NTN4: variants seen among roughly 807,000 people sequenced by gnomAD.
NTN4 encodes the protein netrin-4.
Under a neutral mutation model 73.6 loss-of-function variants are expected in NTN4, and 32 were observed. That is an observed-to-expected ratio of 0.44 (90% CI 0.33 to 0.58). The LOEUF (loss-of-function observed/expected upper bound fraction) is 0.58. NTN4 is among the 20% of genes least tolerant of loss of function. NTN4 has a pLI of 0.04. For missense variants in NTN4, 654 were observed against 798.3 expected (o/e 0.82, Z 2.18); for synonymous variants, 258 against 287.5 (o/e 0.90, Z 1.04).
At chr12:95,669,241 G>A (rs1379901518) in intron 8 of NTN4, among the ~76,000 whole-genome samples, 1 of 151,066 alleles carries the variant, frequency 6.6e-6, no homozygotes, top group East Asian at 1.9e-4. Flanking sequence ...CACTAGGCAA[G>A]AATGTGTTGG....
intron 2 of NTN4, among the ~76,000 whole-genome samples, chr12:95,747,763 T>C (rs1324930125): frequency 6.6e-6 from 1 of 152,154 alleles, no homozygotes; most frequent in Admixed American, 6.5e-5. Context: ...AATATAAAAA[T>C]AATGGAATAA....
chr12:95,667,863 AAAATAAATAAAT>A (rs71087991), intron 8 of NTN4, among the ~76,000 whole-genome samples: 4 of 148,214 alleles, frequency 2.7e-5, no homozygotes, highest in African/African-American at 1.0e-4. Context: ...CCATCTCTCA[AAAATAAATAAAT>A]AAATAAATAA....
At chr12:95,707,208 C>T (rs891235423) in intron 5 of NTN4, among the ~76,000 whole-genome samples, 2 of 152,176 alleles carry the variant, frequency 1.3e-5, no homozygotes, top group East Asian at 3.9e-4. Context: ...GGTGAGCTTA[C>T]AGTGGCTCAT....
Position 95,739,209 on chromosome 12 carries a change from G to A in NTN4, c.586-1065C>T, listed in dbSNP as rs575761558. ...TGTTCTTGGCATTTGTGTAATAGGT[G>A]AGAATTCCAAATAACTTCCTTATGT... On this transcript the variant is annotated intron_variant, in intron 2 of 9. Transcript: ENST00000343702. 2.6e-5 allele frequency among the ~76,000 whole-genome samples: 4 copies of A among 152,266 alleles called. No individual in the cohort carries two copies. The East Asian group carries it at 7.7e-4, about 29-fold the overall frequency.
At chr12:95,754,206 C>T (rs1334376250) in intron 2 of NTN4, among the ~76,000 whole-genome samples, 2 of 152,142 alleles carry the variant, frequency 1.3e-5, no homozygotes, top group Non-Finnish European at 2.9e-5. Context: ...AAAACTGTAT[C>T]CAGGCCATCA....
chr12:95,738,218 C>T, intron 2 of NTN4, 74 bp from the exon 3 acceptor site: 1 of 1,363,624 alleles, frequency 7.3e-7, no homozygotes, highest in Non-Finnish European at 1.0e-6. Flanking sequence ...TAATGTAGTC[C>T]CTGTTTGATT....
intron 5 of NTN4, among the ~76,000 whole-genome samples, chr12:95,700,814 CTTTTT>C (rs71911993): frequency 1.9e-5 from 2 of 107,528 alleles, no homozygotes; most frequent in African/African-American, 3.5e-5. Flanking sequence ...TTCTTTCTTT[CTTTTT>C]TTTTTTTTTT....
intron 3 of NTN4, among the ~76,000 whole-genome samples, chr12:95,720,373 T>C (rs1037063394): frequency 5.3e-5 from 8 of 152,170 alleles, no homozygotes; most frequent in East Asian, 1.9e-4. Context: ...ATGGAGCCAA[T>C]GCAAATTCCC....
chr12:95,672,758 C>A, intron 7 of NTN4: 1 of 1,344,670 alleles, frequency 7.4e-7, no homozygotes, highest in Non-Finnish European at 1.1e-6. Flanking sequence ...CAGCTATCCT[C>A]CTGTGAGAGT....
At chr12:95,780,231 TA>T (rs2079122601) in intron 2 of NTN4, among the ~76,000 whole-genome samples, 1 of 152,156 alleles carries the variant, frequency 6.6e-6, no homozygotes, top group Admixed American at 6.5e-5. Context: ...ATTCAGGACA[TA>T]GGCATGGGAA....
At chr12:95,703,639 CCT>C (rs955173780) in intron 5 of NTN4, among the ~76,000 whole-genome samples, 1 of 152,104 alleles carries the variant, frequency 6.6e-6, no homozygotes. Context: ...CAAAATTTCC[CCT>C]CACATAATTT....
chr12:95,752,268 G>A (rs28849081), intron 2 of NTN4, among the ~76,000 whole-genome samples: 113,030 of 141,190 alleles, frequency 0.8, 45,300 homozygotes, highest in South Asian at 0.89. Context: ...ACCTGTCCTA[G>A]AACCAGACAA....
intron 2 of NTN4, 152 bp downstream of exon 2, chr12:95,786,787 G>T: frequency 1.5e-6 from 1 of 671,188 alleles, no homozygotes. Flanking sequence ...TCATATGTAA[G>T]GGTAAGAAAT....
At chr12:95,758,469 A>G (rs1320075962) in intron 2 of NTN4, among the ~76,000 whole-genome samples, 8 of 152,170 alleles carry the variant, frequency 5.3e-5, no homozygotes, top group African/African-American at 1.9e-4. Flanking sequence ...ATATGTAAAT[A>G]TATATTCAGT....
intron 5 of NTN4, among the ~76,000 whole-genome samples, chr12:95,700,114 T>TTTTTTG (rs2078473280): frequency 8.0e-6 from 1 of 125,210 alleles, no homozygotes. Flanking sequence ...TTTTTTTTTT[T>TTTTTTG]TACTTAGGGT....
In NTN4 at chr12:95,787,364, C is replaced by T. The variant is rs2079176739; in HGVS notation, c.160G>A (p.Gly54Ser). 4 of 1,614,188 alleles carry T rather than the reference C, an allele frequency of 2.5e-6. No homozygotes were observed. The highest frequency in any genetic ancestry group is 1.1e-5 in the South Asian group (1 of 91,082). The stretch of plus-strand genomic sequence containing the variant: ...CAGTACAGTTCGGTAGCATTCTGAC[C>T]GCAGGTGGTGTCTGCCCAGAGTTTT... The part of the protein sequence containing the change: ...GRKLWADTTC[G>S]QNATELYCFY... Residue 54 changes from glycine to serine, a missense_variant, in exon 2 of 10, where the codon GGT becomes AGT. Coordinates refer to ENST00000343702, the MANE Select transcript of NTN4 (RefSeq NM_021229.4).
chr12:95,718,423 A>T (rs146633260), intron 3 of NTN4, among the ~76,000 whole-genome samples: 139 of 152,290 alleles, frequency 9.1e-4, no homozygotes, highest in African/African-American at 3.0e-3. Flanking sequence ...GCTTACCAAG[A>T]TTGTTGTAGA....
chr12:95,708,256 T>TTTTATTTATATTTA (rs1555216345), intron 5 of NTN4, among the ~76,000 whole-genome samples: 55 of 142,418 alleles, frequency 3.9e-4, no homozygotes, highest in African/African-American at 1.4e-3. Context: ...TTTATTGTTA[T>TTTTATTTATATTTA]TTTATTTATT....
intron 7 of NTN4, chr12:95,672,704 G>A (rs2078242743): frequency 7.0e-7 from 1 of 1,426,436 alleles, no homozygotes; most frequent in Non-Finnish European, 9.9e-7. Context: ...CCTTTCTACA[G>A]CAACATCAGT....
Sources: allele counts gnomAD v4.1 joint callset (sites outside exome capture counted in the v4.1 genomes callset), GRCh38; gene constraint gnomAD v4.1.1; transcripts MANE v1.5; gene names NCBI Gene and HGNC (gene_info 2026-07-23, HGNC 2026-07-21).